Variants in SNX7 observed in about 807,000 individuals in gnomAD.
SNX7 encodes the protein sorting nexin-7.
A neutral mutation model predicts 48.4 loss-of-function variants in SNX7; 35 were observed. The ratio of observed to expected loss-of-function variants is 0.72; its 90% CI spans 0.55 to 0.96. The LOEUF (loss-of-function observed/expected upper bound fraction) is 0.96. Among genes scored for constraint, SNX7 ranks in the 40% least tolerant of loss-of-function variants. SNX7 has a pLI of 0.00. For synonymous variants in SNX7, 190 were observed against 190.2 expected, an observed-to-expected ratio of 1.00 and a Z score of 0.01; for missense variants, 553 against 548.9, an observed-to-expected ratio of 1.01 and a Z score of -0.07.
chr1:98,661,865 T>C lies in SNX7; in HGVS notation c.134T>C (p.Val45Ala). 8.0e-7 allele frequency: 1 copy of C among 1,245,814 alleles called. No homozygotes were observed. Among genetic ancestry groups the C allele is most frequent in the Non-Finnish European group, 1.0e-6 (1 of 987,226 alleles). 77.2% of individuals were successfully genotyped at this position (1,245,814 alleles called of 1,614,324 possible). Residue 45 changes from valine (V) to alanine (A), a missense_variant, in exon 1 of 9, where the codon GTG becomes GCG. Transcript: ENST00000306121. ...TCTTCCGCCCTGCTGCAGGCGGAGGTGCTGGATCTGGACGAGGACGAGGAC... is the reference window on the plus strand; with the variant it reads ...TCTTCCGCCCTGCTGCAGGCGGAGGCGCTGGATCTGGACGAGGACGAGGAC... The part of the protein sequence containing the change: ...SGSSALLQAE[V>A]LDLDEDEDDL...
intron 8 of SNX7, among the ~76,000 whole-genome samples, chr1:98,747,376 C>T (rs991637831): frequency 6.6e-6 from 1 of 152,058 alleles, no homozygotes; most frequent in Non-Finnish European, 1.5e-5. Context: ...TTGGAATCTT[C>T]GATAGCAATT....
chr1:98,748,264 G>T (rs542468620), intron 8 of SNX7, among the ~76,000 whole-genome samples: 2 of 152,170 alleles, frequency 1.3e-5, no homozygotes, highest in South Asian at 4.1e-4. Flanking sequence ...GGTATTATAG[G>T]TGTGAGCCAC....
chr1:98,690,609 A>G (rs1319040443), intron 2 of SNX7, among the ~76,000 whole-genome samples: 1 of 152,118 alleles, frequency 6.6e-6, no homozygotes, highest in Non-Finnish European at 1.5e-5. Flanking sequence ...ATTTGAGCAA[A>G]TTCCAAGAAA....
chr1:98,672,129 G>A (rs1232367216), intron 1 of SNX7, among the ~76,000 whole-genome samples: 1 of 152,110 alleles, frequency 6.6e-6, no homozygotes, highest in Non-Finnish European at 1.5e-5. Flanking sequence ...AGGTTATGCT[G>A]CAGTACAACC....
At chr1:98,661,434 G>A (rs1016053383), upstream of SNX7, among the ~76,000 whole-genome samples, 1 of 152,094 alleles carries the variant, frequency 6.6e-6, no homozygotes. Context: ...GGGTCAATGC[G>A]AGGACGCCCA....
intron 1 of SNX7, among the ~76,000 whole-genome samples, chr1:98,668,160 A>G (rs139827120): frequency 2.8e-4 from 43 of 152,298 alleles, no homozygotes; most frequent in African/African-American, 1.0e-3. Flanking sequence ...AAACCAAAAC[A>G]AGGAAACTTC....
At chr1:98,695,453 T>G in intron 4 of SNX7, 65 bp from the exon 5 acceptor site, 1 of 1,468,268 alleles carries the variant, frequency 6.8e-7, no homozygotes, top group Non-Finnish European at 9.4e-7. Flanking sequence ...TTAGGTTTAT[T>G]TTTGTATTGA....
intron 8 of SNX7, among the ~76,000 whole-genome samples, chr1:98,748,648 AC>A (rs1654427289): frequency 6.6e-6 from 1 of 151,290 alleles, no homozygotes; most frequent in Non-Finnish European, 1.5e-5. Flanking sequence ...ACACACACAC[AC>A]ACACACACAC....
intron 7 of SNX7, among the ~76,000 whole-genome samples, chr1:98,721,819 T>C (rs1652888406): frequency 6.6e-6 from 1 of 152,140 alleles, no homozygotes; most frequent in Admixed American, 6.6e-5. Flanking sequence ...TGCAGAAAAG[T>C]ACAGGGAATT....
At chr1:98,742,214 G>A (rs947842068) in intron 8 of SNX7, among the ~76,000 whole-genome samples, 3 of 152,090 alleles carry the variant, frequency 2.0e-5, no homozygotes, top group African/African-American at 7.2e-5. Flanking sequence ...AGTAAGAAAG[G>A]GTAGGGAATT....
intron 7 of SNX7, among the ~76,000 whole-genome samples, chr1:98,735,232 T>C (rs1352649775): frequency 6.6e-6 from 1 of 152,184 alleles, no homozygotes; most frequent in Non-Finnish European, 1.5e-5. Context: ...AATTATATTA[T>C]GCTTTTGTAA....
Position 98,691,195 on chromosome 1 carries a change from C to T in SNX7, c.474+10C>T. On this transcript the variant is annotated intron_variant, in intron 3 of 8. Coordinates refer to ENST00000306121, the MANE Select transcript of SNX7 (RefSeq NM_015976.5). ...CACTCTGATTATTCCAGTAAGTTTG[C>T]AAAATTTTTTTTTTCATAGAATAGC... 1 of 1,566,250 alleles carries T rather than the reference C, an allele frequency of 6.4e-7. No homozygotes were observed. The highest frequency in any genetic ancestry group is 8.7e-7 in the Non-Finnish European group (1 of 1,153,510).
chr1:98,750,236 A>G lies in SNX7; in HGVS notation c.1279-9818A>G, dbSNP rs1225922098. 2.0e-5 allele frequency among the ~76,000 whole-genome samples: 3 copies of G among 152,034 alleles called. No individual in the cohort carries two copies. In the East Asian group the frequency reaches 5.8e-4, roughly 29 times the overall value. The stretch of plus-strand genomic sequence containing the variant: ...TTCGAATGAAAGTAAATTTTCTATT[A>G]GCTGTTTCTGTCAACAGTGTGGTGT... On this transcript the variant is annotated intron_variant, in intron 8 of 8. Transcript: ENST00000306121.
At chr1:98,710,422 G>A (rs1307774823) in intron 7 of SNX7, among the ~76,000 whole-genome samples, 1 of 151,590 alleles carries the variant, frequency 6.6e-6, no homozygotes, top group East Asian at 2.0e-4. Context: ...TAAGCTCTGT[G>A]TCTTTCTCTA....
rs762634735 is a variant in SNX7, at chr1:98,675,217, CCAAA to C, written c.181-9665_181-9662del. Reference sequence around the variant, plus strand: ...TGGTTAATTGCTACTTTGGATCTTCCCAAACACTTATTTTCTTCAGTTATTCATG... The same window carrying C: ...TGGTTAATTGCTACTTTGGATCTTCCCACTTATTTTCTTCAGTTATTCATG... On this transcript the variant is annotated intron_variant, in intron 1 of 8. Coordinates refer to ENST00000306121, the MANE Select transcript of SNX7 (RefSeq NM_015976.5). 1.2e-3 allele frequency among the ~76,000 whole-genome samples: 177 copies of C among 152,200 alleles called. 1 individual carries two copies. Among genetic ancestry groups the C allele is most frequent in the Middle Eastern group, 3.4e-3 (1 of 294 alleles).
At chr1:98,709,276 G>A (rs1050069081) in intron 7 of SNX7, among the ~76,000 whole-genome samples, 13 of 152,132 alleles carry the variant, frequency 8.5e-5, no homozygotes, top group Admixed American at 8.5e-4. Flanking sequence ...TCAAAGTTTG[G>A]AAAGTGTTAA....
At chr1:98,683,603 G>A (rs1009492153) in intron 1 of SNX7, among the ~76,000 whole-genome samples, 3 of 152,168 alleles carry the variant, frequency 2.0e-5, no homozygotes, top group Non-Finnish European at 4.4e-5. Flanking sequence ...GTGAAAGGAA[G>A]CTGTTCTGTA....
At chr1:98,744,116 A>G (rs184521272) in intron 8 of SNX7, among the ~76,000 whole-genome samples, 4 of 152,186 alleles carry the variant, frequency 2.6e-5, no homozygotes, top group South Asian at 4.1e-4. Flanking sequence ...TGACAGTTCC[A>G]TCAGGAGACA....
chr1:98,687,825 A>G (rs934878136), intron 2 of SNX7, among the ~76,000 whole-genome samples: 8 of 152,292 alleles, frequency 5.3e-5, no homozygotes, highest in African/African-American at 1.9e-4. Flanking sequence ...GGGGGAAGCA[A>G]GACACATCTT....
Sources: gnomAD v4.1 joint callset for allele counts (sites outside exome capture counted in the v4.1 genomes callset) on GRCh38, gnomAD v4.1.1 for gene constraint, MANE v1.5 for transcripts, NCBI Gene and HGNC (gene_info 2026-07-23, HGNC 2026-07-21) for gene names.